EPHA3: variants seen among roughly 807,000 people sequenced by gnomAD.
EPHA3 encodes the protein EPH receptor A3.
A neutral mutation model predicts 107.1 loss-of-function variants in EPHA3; 42 were observed. The ratio of observed to expected loss-of-function variants is 0.39; its 90% confidence interval spans 0.31 to 0.51. EPHA3 has a LOEUF of 0.51. Ranked by LOEUF, EPHA3 falls within the 20% of genes least tolerant of loss-of-function variation. EPHA3 has a pLI of 0.78. For missense variants in EPHA3, 1,183 were observed against 1,211.2 expected (o/e 0.98, Z 0.35); for synonymous variants, 461 against 424.8 (o/e 1.09, Z -1.05).
At chr3:89,144,925 T>C (rs535678366) in intron 2 of EPHA3, among the ~76,000 whole-genome samples, 1 of 151,862 alleles carries the variant, frequency 6.6e-6, no homozygotes, top group South Asian at 2.1e-4. Context: ...CTGTTTGAAA[T>C]AAATTAAGAA....
intron 2 of EPHA3, among the ~76,000 whole-genome samples, chr3:89,191,392 C>T (rs1705713975): frequency 6.6e-6 from 1 of 151,902 alleles, no homozygotes; most frequent in Admixed American, 6.6e-5. Flanking sequence ...CTGCAAGCTC[C>T]GCTTCCTGGG....
chr3:89,420,446 A>G (rs1024271875), intron 11 of EPHA3, among the ~76,000 whole-genome samples: 2 of 151,530 alleles, frequency 1.3e-5, no homozygotes, highest in Non-Finnish European at 3.0e-5. Flanking sequence ...AGTGGAATTA[A>G]GAATTTAACA....
At chr3:89,227,419 C>A (rs971573143) in intron 3 of EPHA3, among the ~76,000 whole-genome samples, 1 of 151,956 alleles carries the variant, frequency 6.6e-6, no homozygotes, top group Non-Finnish European at 1.5e-5. Flanking sequence ...GGTCTCTAAT[C>A]CCTCATGGAT....
chr3:89,425,717 G>T (rs1486335241), intron 11 of EPHA3, among the ~76,000 whole-genome samples: 1 of 151,078 alleles, frequency 6.6e-6, no homozygotes, highest in Non-Finnish European at 1.5e-5. Flanking sequence ...GACTATATAT[G>T]TATATATATA....
At chr3:89,359,202 AATCAT>A (rs1169057177) in intron 5 of EPHA3, among the ~76,000 whole-genome samples, 1 of 151,106 alleles carries the variant, frequency 6.6e-6, no homozygotes, top group East Asian at 1.9e-4. Flanking sequence ...TGTTTAGAAT[AATCAT>A]TTTAATTATG....
intron 5 of EPHA3, among the ~76,000 whole-genome samples, chr3:89,391,159 C>T (rs1708719816): frequency 6.6e-6 from 1 of 151,914 alleles, no homozygotes; most frequent in Non-Finnish European, 1.5e-5. Flanking sequence ...TCTGTCTAGT[C>T]CTATGTCATG....
intron 2 of EPHA3, among the ~76,000 whole-genome samples, chr3:89,181,858 A>G (rs937734872): frequency 3.3e-5 from 5 of 151,960 alleles, no homozygotes; most frequent in Non-Finnish European, 7.4e-5. Context: ...AAAGTAAGAA[A>G]TGGTTTTCAA....
chr3:89,203,556 G>A (rs1305461666), intron 2 of EPHA3, among the ~76,000 whole-genome samples: 1 of 151,694 alleles, frequency 6.6e-6, no homozygotes, highest in Non-Finnish European at 1.5e-5. Flanking sequence ...GGCAGATCAC[G>A]CGGTCAGGAG....
chr3:89,136,588 G>C (rs748760568), intron 2 of EPHA3, among the ~76,000 whole-genome samples: 1 of 151,404 alleles, frequency 6.6e-6, no homozygotes, highest in Non-Finnish European at 1.5e-5. Context: ...GATTGGATTA[G>C]AATTTTAAAA....
intron 10 of EPHA3, among the ~76,000 whole-genome samples, chr3:89,413,856 C>T (rs1241670018): frequency 6.6e-6 from 1 of 151,268 alleles, no homozygotes; most frequent in African/African-American, 2.4e-5. Flanking sequence ...TTAACAATCA[C>T]CTATTAAGTG....
intron 3 of EPHA3, among the ~76,000 whole-genome samples, chr3:89,244,753 G>A (rs1382132054): frequency 6.6e-6 from 1 of 152,204 alleles, no homozygotes; most frequent in Non-Finnish European, 1.5e-5. Context: ...TGGCTATAAT[G>A]TGAACATTTC....
At chr3:89,436,127 T>C (rs951532570) in intron 13 of EPHA3, among the ~76,000 whole-genome samples, 1 of 150,990 alleles carries the variant, frequency 6.6e-6, no homozygotes, top group Non-Finnish European at 1.5e-5. Flanking sequence ...TTTCAAAAAA[T>C]AAATAAATAA....
chr3:89,261,526 C>G (rs1387657816), intron 3 of EPHA3, among the ~76,000 whole-genome samples: 2 of 152,092 alleles, frequency 1.3e-5, no homozygotes, highest in African/African-American at 2.4e-5. Context: ...CATGCATGCT[C>G]TATAAGAGCA....
chr3:89,183,580 T>TAC (rs984458232), intron 2 of EPHA3, among the ~76,000 whole-genome samples: 35 of 151,768 alleles, frequency 2.3e-4, no homozygotes, highest in Non-Finnish European at 2.4e-4. Context: ...AAGTACTCCC[T>TAC]ACACACACAC....
chr3:89,318,457 TTTTCA>T (rs764025124), intron 3 of EPHA3, among the ~76,000 whole-genome samples: 8 of 151,910 alleles, frequency 5.3e-5, no homozygotes, highest in Non-Finnish European at 1.2e-4. Context: ...TTTCAAATTC[TTTTCA>T]TTTCAGACTA....
At chr3:89,200,257 G>A (rs1383773132) in intron 2 of EPHA3, among the ~76,000 whole-genome samples, 2 of 152,058 alleles carry the variant, frequency 1.3e-5, no homozygotes, top group African/African-American at 2.4e-5. Context: ...TTATATACAC[G>A]TACCTTGTCT....
At chr3:89,397,264 A>C (rs1708868404) in intron 6 of EPHA3, among the ~76,000 whole-genome samples, 1 of 152,190 alleles carries the variant, frequency 6.6e-6, no homozygotes, top group Non-Finnish European at 1.5e-5. Flanking sequence ...AGTAGAAATA[A>C]ATTTTCTCCT....
rs74647818 is a variant in EPHA3 at position 89,161,442 on chromosome 3, T to A, written c.153+34169T>A. Among the ~76,000 whole-genome samples, 1,913 of 152,314 alleles carry A rather than the reference T, an allele frequency of 0.013. 46 individuals are homozygous for A. The East Asian group carries it at 0.13, about 10-fold the overall frequency. On this transcript the variant is annotated intron_variant, in intron 2 of 16. Coordinates refer to ENST00000336596, the MANE Select transcript of EPHA3 (RefSeq NM_005233.6). ...CTTTTATACAAATTGAATCTTTCAATTATGTCTTATAGCTTACTTTTTTTG... is the reference window on the plus strand; with the variant it reads ...CTTTTATACAAATTGAATCTTTCAAATATGTCTTATAGCTTACTTTTTTTG...
chr3:89,334,664 T>C (rs1707356937), intron 3 of EPHA3, among the ~76,000 whole-genome samples: 1 of 152,136 alleles, frequency 6.6e-6, no homozygotes, highest in Non-Finnish European at 1.5e-5. Flanking sequence ...GTGCACAAAA[T>C]GAATAGGAAA....
Sources: allele counts gnomAD v4.1 joint callset (sites outside exome capture counted in the v4.1 genomes callset), GRCh38; gene constraint gnomAD v4.1.1; transcripts MANE v1.5; gene names NCBI Gene and HGNC (gene_info 2026-07-23, HGNC 2026-07-21).